The following GDPD5 variants were observed in gnomAD, a reference collection of about 807,000 sequenced individuals.
The protein encoded by GDPD5 is glycerophosphodiester phosphodiesterase domain containing 5.
A neutral mutation model predicts 75.1 loss-of-function variants in GDPD5; 48 were observed. The observed-to-expected ratio is 0.64, with a 90% CI of 0.51 to 0.81. The LOEUF (loss-of-function observed/expected upper bound fraction) is 0.81, where lower values mean the gene tolerates loss of function less well. Among genes scored for constraint, GDPD5 ranks in the 40% least tolerant of loss-of-function variants. The pLI, the probability that GDPD5 is intolerant of heterozygous loss-of-function variation, is 0.00. For synonymous variants in GDPD5, 336 were observed against 339.0 expected, an observed-to-expected ratio of 0.99 and a Z score of 0.10; for missense variants, 706 against 822.6, an observed-to-expected ratio of 0.86 and a Z score of 1.73.
At chr11:75,483,009 C>T (rs1264133164) in intron 2 of GDPD5, among the ~76,000 whole-genome samples, 2 of 152,210 alleles carry the variant, frequency 1.3e-5, no homozygotes, top group African/African-American at 4.8e-5. Context: ...ACACCACACT[C>T]GGCCGCCGGG....
At chr11:75,489,728 GC>G (rs1950076801) in intron 2 of GDPD5, among the ~76,000 whole-genome samples, 1 of 151,696 alleles carries the variant, frequency 6.6e-6, no homozygotes, top group Non-Finnish European at 1.5e-5. Context: ...AGGTCAGCCT[GC>G]CTGGGTTTTC....
At chr11:75,510,626 C>T (rs891713044) in intron 1 of GDPD5, among the ~76,000 whole-genome samples, 1 of 152,194 alleles carries the variant, frequency 6.6e-6, no homozygotes, top group African/African-American at 2.4e-5. Context: ...GAAGAATGCC[C>T]TTCCCAGCCA....
intron 2 of GDPD5, among the ~76,000 whole-genome samples, chr11:75,483,524 C>A (rs1949963746): frequency 6.6e-6 from 1 of 152,140 alleles, no homozygotes; most frequent in Non-Finnish European, 1.5e-5. Flanking sequence ...GCTCTCAGCT[C>A]CTTTTCTGAT....
intron 4 of GDPD5, among the ~76,000 whole-genome samples, chr11:75,461,217 C>T (rs1158339430): frequency 2.0e-5 from 3 of 152,214 alleles, no homozygotes; most frequent in Admixed American, 1.3e-4. Context: ...ACTCCAGTTC[C>T]GAGGAACTGT....
chr11:75,441,911 G>C, intron 12 of GDPD5, 108 bp from the exon 13 acceptor site: 1 of 1,166,980 alleles, frequency 8.6e-7, no homozygotes, highest in Non-Finnish European at 1.2e-6. Context: ...CTGGCAGGCG[G>C]TGAAAGCTTA....
At chr11:75,494,228 GAGAC>G (rs1485161238) in intron 1 of GDPD5, among the ~76,000 whole-genome samples, 49 of 40,952 alleles carry the variant, frequency 1.2e-3, no homozygotes, top group African/African-American at 4.0e-3. Context: ...TTTTTTTTTT[GAGAC>G]AGAGTCTCGC....
intron 3 of GDPD5, among the ~76,000 whole-genome samples, chr11:75,471,636 G>A (rs1297349405): frequency 6.6e-6 from 1 of 152,184 alleles, no homozygotes; most frequent in African/African-American, 2.4e-5. Flanking sequence ...GTCACAGGGT[G>A]GGTGGTGATA....
intron 2 of GDPD5, among the ~76,000 whole-genome samples, chr11:75,481,800 G>A (rs779187754): frequency 2.0e-5 from 3 of 152,004 alleles, no homozygotes; most frequent in Admixed American, 6.5e-5. Flanking sequence ...GGGAGGAGGC[G>A]GGTGCAATGT....
In GDPD5 at chr11:75,441,181, A is replaced by G. The variant is rs1269403728; in HGVS notation, c.1455T>C (p.Pro485=). Residue 485 remains proline (P), a synonymous_variant, in exon 14 of 17, where the codon CCT becomes CCC. Coordinates refer to ENST00000336898, the MANE Select transcript of GDPD5 (RefSeq NM_030792.8). ...AACTCACCATGATCCAGAGGGGGGA[A>G]GGCACCTGGGACAGGGCGTGGGAGT... ...SDNSHALSQV[P]SPLWIMPPDE... 2 of 1,613,834 alleles carry G rather than the reference A, an allele frequency of 1.2e-6. No homozygotes were observed. The highest frequency in any genetic ancestry group is 8.5e-7 in the Non-Finnish European group (1 of 1,179,920).
intron 5 of GDPD5, among the ~76,000 whole-genome samples, chr11:75,457,093 T>C (rs1949300824): frequency 6.6e-6 from 1 of 152,250 alleles, no homozygotes; most frequent in Non-Finnish European, 1.5e-5. Context: ...CTTGGACTAC[T>C]CAACTTCATT....
chr11:75,449,721 C>T, intron 7 of GDPD5, 111 bp from the exon 8 acceptor site: 2 of 1,293,556 alleles, frequency 1.5e-6, no homozygotes, highest in South Asian at 2.6e-5. Flanking sequence ...CTCCATCTGC[C>T]AACTGGGGAC....
chr11:75,524,388 T>C (rs1311181197), intron 1 of GDPD5, among the ~76,000 whole-genome samples: 1 of 151,894 alleles, frequency 6.6e-6, no homozygotes, highest in Non-Finnish European at 1.5e-5. Context: ...TGGGGAGGAG[T>C]GTGCATACCT....
At chr11:75,481,900 CTG>C (rs1202703611) in intron 2 of GDPD5, among the ~76,000 whole-genome samples, 2 of 152,084 alleles carry the variant, frequency 1.3e-5, no homozygotes, top group African/African-American at 4.8e-5. Flanking sequence ...GTTTCTGAAT[CTG>C]TAAAAGCAGG....
intron 9 of GDPD5, among the ~76,000 whole-genome samples, chr11:75,445,190 C>T (rs1489267845): frequency 1.3e-5 from 2 of 152,170 alleles, no homozygotes; most frequent in Admixed American, 1.3e-4. Context: ...CTTGCTGTCA[C>T]CCAGGCTGTA....
intron 6 of GDPD5, chr11:75,451,508 G>T (rs1175414183): frequency 6.6e-6 from 1 of 152,238 alleles, no homozygotes; most frequent in East Asian, 1.9e-4. Context: ...GGGGTAAGGG[G>T]GTGTGCGCTT....
At chr11:75,493,672 G>A (rs1033035890) in intron 1 of GDPD5, among the ~76,000 whole-genome samples, 1 of 151,926 alleles carries the variant, frequency 6.6e-6, no homozygotes, top group Non-Finnish European at 1.5e-5. Flanking sequence ...CTTGGGGGAG[G>A]AGTGCAGCAG....
intron 6 of GDPD5, among the ~76,000 whole-genome samples, chr11:75,453,195 C>T (rs1042375901): frequency 6.6e-6 from 1 of 151,920 alleles, no homozygotes; most frequent in Non-Finnish European, 1.5e-5. Context: ...GAGGAAGGTC[C>T]CCACATAAGC....
intron 3 of GDPD5, among the ~76,000 whole-genome samples, chr11:75,472,815 T>C (rs1949698591): frequency 6.6e-6 from 1 of 151,398 alleles, no homozygotes; most frequent in Non-Finnish European, 1.5e-5. Flanking sequence ...TCCTAAAGAG[T>C]CCAGTGGGAA....
intron 4 of GDPD5, among the ~76,000 whole-genome samples, chr11:75,459,165 T>A (rs1036998684): frequency 6.6e-6 from 1 of 152,242 alleles, no homozygotes; most frequent in African/African-American, 2.4e-5. Context: ...TCCACTGAAT[T>A]AATGTACCAT....
Sources: gnomAD v4.1 joint callset for allele counts (sites outside exome capture counted in the v4.1 genomes callset) on GRCh38, gnomAD v4.1.1 for gene constraint, MANE v1.5 for transcripts, NCBI Gene and HGNC (gene_info 2026-07-23, HGNC 2026-07-21) for gene names.